CA10: variants seen among roughly 807,000 people sequenced by gnomAD.
The protein encoded by CA10 is carbonic anhydrase 10 (inactive), also known as carbonic anhydrase-related protein 10.
Under a neutral mutation model 44.2 loss-of-function variants are expected in CA10, and 14 were observed. The observed-to-expected ratio is 0.32, with a 90% CI of 0.21 to 0.50. The LOEUF (loss-of-function observed/expected upper bound fraction) is 0.50. Among genes scored for constraint, CA10 ranks in the 20% least tolerant of loss-of-function variants. The probability of loss-of-function intolerance (pLI) is 0.99; values close to 1 mark genes in which losing one functional copy is unlikely to be tolerated. For missense variants in CA10, 350 were observed against 409.7 expected (o/e 0.85, Z 1.26); for synonymous variants, 159 against 141.6 (o/e 1.12, Z -0.87).
intron 4 of CA10, among the ~76,000 whole-genome samples, chr17:51,680,199 G>A (rs1914796215): frequency 6.6e-6 from 1 of 152,202 alleles, no homozygotes; most frequent in Non-Finnish European, 1.5e-5. Flanking sequence ...ACTTCATGGA[G>A]GAAGAGTATA....
chr17:52,113,065 T>C (rs997350658), intron 1 of CA10, among the ~76,000 whole-genome samples: 1 of 152,218 alleles, frequency 6.6e-6, no homozygotes, highest in Non-Finnish European at 1.5e-5. Context: ...AAACAACTGG[T>C]TTGTTTTCAC....
intron 3 of CA10, among the ~76,000 whole-genome samples, chr17:51,894,072 G>C (rs1187084185): frequency 6.6e-6 from 1 of 152,076 alleles, no homozygotes; most frequent in Non-Finnish European, 1.5e-5. Flanking sequence ...GCTTGTGTTT[G>C]GCAGATCTGA....
At chr17:51,649,076 T>C (rs1265283051) in intron 6 of CA10, 106 bp downstream of exon 6, 2 of 746,800 alleles carry the variant, frequency 2.7e-6, no homozygotes, top group East Asian at 5.1e-5. Flanking sequence ...TGCAGGATCA[T>C]GAAACTGAAA....
In CA10 at chr17:52,157,707, A is replaced by ACTT; in HGVS notation, c.61+16_61+18dup. Reference sequence around the variant, plus strand: ...ACAACATAATCCAAATCAGCCAGTGACTTCGGCGCGTCCCGTACCTGATAT... The same window carrying ACTT: ...ACAACATAATCCAAATCAGCCAGTGACTTCTTCGGCGCGTCCCGTACCTGATAT... On this transcript the variant is annotated intron_variant, in intron 1 of 8. Coordinates refer to ENST00000451037, the MANE Select transcript of CA10 (RefSeq NM_020178.5). 1 of 1,611,966 alleles carries ACTT rather than the reference A, an allele frequency of 6.2e-7. No homozygotes were observed. The highest frequency in any genetic ancestry group is 1.1e-5 in the South Asian group (1 of 91,048).
At chr17:52,045,598 AAAAT>A (rs973920312) in intron 2 of CA10, among the ~76,000 whole-genome samples, 1 of 152,030 alleles carries the variant, frequency 6.6e-6, no homozygotes, top group African/African-American at 2.4e-5. Context: ...AGAGTGCTTC[AAAAT>A]AAATAAAGAA....
rs1461255816 is a variant in CA10, at chr17:52,158,246, C to T, written c.-460G>A. ...CCGGGCTGCGCCGTGCAATTCCGGGCTCCCGGGAGCGCGTAGCTCGCTGGC... is the reference window on the plus strand; with the variant it reads ...CCGGGCTGCGCCGTGCAATTCCGGGTTCCCGGGAGCGCGTAGCTCGCTGGC... On this transcript the variant is annotated 5_prime_UTR_variant, in exon 1 of 9. Transcript: ENST00000451037. 9.4e-6 allele frequency: 2 copies of T among 213,856 alleles called. No homozygotes were observed. Among genetic ancestry groups the T allele is most frequent in the Non-Finnish European group, 1.9e-5 (2 of 105,350 alleles). 13.2% of individuals were successfully genotyped at this position (213,856 alleles called of 1,614,324 possible). A position where few individuals can be genotyped will look rare whatever the true frequency, so the allele number is the denominator to read the frequency against.
At chr17:52,040,154 T>TC (rs536257587) in intron 2 of CA10, among the ~76,000 whole-genome samples, 6 of 150,660 alleles carry the variant, frequency 4.0e-5, no homozygotes, top group Non-Finnish European at 7.4e-5. Flanking sequence ...TCTTTTTTTT[T>TC]TTTTTGGAGT....
chr17:51,657,674 T>C (rs1476171027), intron 4 of CA10, among the ~76,000 whole-genome samples: 1 of 152,230 alleles, frequency 6.6e-6, no homozygotes, highest in African/African-American at 2.4e-5. Context: ...GTCTGAATTT[T>C]GAATAATTTA....
At chr17:51,994,417 C>A (rs1233680794) in intron 2 of CA10, among the ~76,000 whole-genome samples, 6 of 152,036 alleles carry the variant, frequency 3.9e-5, no homozygotes, top group Admixed American at 6.6e-5. Flanking sequence ...CTTTTCTAGG[C>A]TTTAATTTTT....
intron 1 of CA10, among the ~76,000 whole-genome samples, chr17:52,098,112 G>A (rs1261522606): frequency 1.3e-5 from 2 of 152,130 alleles, no homozygotes; most frequent in East Asian, 3.9e-4. Context: ...TTACATATTT[G>A]ACTGTCATAT....
intron 2 of CA10, among the ~76,000 whole-genome samples, chr17:52,016,508 T>C (rs1985972193): frequency 6.6e-6 from 1 of 152,154 alleles, no homozygotes; most frequent in East Asian, 1.9e-4. Flanking sequence ...AATGTTGGGG[T>C]CTAGTGGGAG....
chr17:51,898,230 AAT>A (rs1981156585), intron 3 of CA10, among the ~76,000 whole-genome samples: 1 of 151,740 alleles, frequency 6.6e-6, no homozygotes, highest in East Asian at 1.9e-4. Flanking sequence ...ATTATTTTAA[AAT>A]ATGTTTTCAC....
At chr17:51,819,331 G>C (rs894456927) in intron 3 of CA10, among the ~76,000 whole-genome samples, 25 of 152,102 alleles carry the variant, frequency 1.6e-4, no homozygotes, top group African/African-American at 6.0e-4. Flanking sequence ...CTGCACTTGG[G>C]GCAGCCTCCT....
intron 4 of CA10, among the ~76,000 whole-genome samples, chr17:51,720,980 C>T (rs1421227360): frequency 2.0e-5 from 3 of 152,136 alleles, no homozygotes; most frequent in African/African-American, 7.2e-5. Flanking sequence ...ATGCCTAGAT[C>T]AAAACATCAC....
Position 51,721,727 on chromosome 17 carries a change from G to A in CA10, c.465+25906C>T, listed in dbSNP as rs141441136. The stretch of plus-strand genomic sequence containing the variant: ...AATTATTTTTAAAAAAAGTCTTCGC[G>A]AGATTTGATGAGCTTCCCGATTGGT... On this transcript the variant is annotated intron_variant, in intron 4 of 8. Transcript: ENST00000451037. Among the ~76,000 whole-genome samples the A allele has an allele frequency of 1.1e-4, 16 of 152,200 alleles. No homozygotes were observed. The South Asian group carries it at 2.5e-3, about 24-fold the overall frequency.
chr17:52,129,830 C>T (rs1025819456), intron 1 of CA10, among the ~76,000 whole-genome samples: 2 of 152,038 alleles, frequency 1.3e-5, no homozygotes, highest in African/African-American at 2.4e-5. Context: ...GATTTGTTGA[C>T]AATTCTGCAC....
At chr17:52,027,699 T>C (rs1214718209) in intron 2 of CA10, among the ~76,000 whole-genome samples, 1 of 152,072 alleles carries the variant, frequency 6.6e-6, no homozygotes, top group Non-Finnish European at 1.5e-5. Context: ...TTCACTTTTT[T>C]CCCCTCACCC....
intron 4 of CA10, among the ~76,000 whole-genome samples, chr17:51,659,088 C>T (rs1319545325): frequency 1.3e-5 from 2 of 152,266 alleles, no homozygotes; most frequent in East Asian, 3.9e-4. Context: ...CTGGGTGTGC[C>T]TGTGAGGGTG....
chr17:51,853,149 T>G (rs1173435604), intron 3 of CA10, among the ~76,000 whole-genome samples: 1 of 152,196 alleles, frequency 6.6e-6, no homozygotes, highest in Non-Finnish European at 1.5e-5. Context: ...TGCTAATAAA[T>G]TATATTTGTT....
Sources: gnomAD v4.1 joint callset for allele counts (sites outside exome capture counted in the v4.1 genomes callset) on GRCh38, gnomAD v4.1.1 for gene constraint, MANE v1.5 for transcripts, NCBI Gene and HGNC (gene_info 2026-07-23, HGNC 2026-07-21) for gene names.